Variants in PHF8 observed in about 807,000 individuals in gnomAD.
The protein encoded by PHF8 is PHD finger protein 8.
PHF8 carries 9 observed loss-of-function variants against 74.4 expected under a neutral mutation model. The ratio of observed to expected loss-of-function variants is 0.12; its 90% confidence interval spans 0.07 to 0.21. The LOEUF (loss-of-function observed/expected upper bound fraction) is 0.21, where lower values mean the gene tolerates loss of function less well. Among genes scored for constraint, PHF8 ranks in the 10% least tolerant of loss-of-function variants. The pLI is 1.00. For synonymous variants in PHF8, 311 were observed against 316.6 expected (o/e 0.98, Z 0.19); for missense variants, 478 against 816.6 (o/e 0.59, Z 5.05).
chrX:53,993,503 G>C, intron 13 of PHF8, 98 bp downstream of exon 13: 13 of 709,731 alleles, frequency 1.8e-5, no homozygotes, highest in Non-Finnish European at 2.9e-5. Context: ...GGGGGTCTAA[G>C]GGACATGGCA....
chrX:53,959,756 T>C (rs1314052575), intron 19 of PHF8, among the ~76,000 whole-genome samples: 1 of 105,846 alleles, frequency 9.4e-6, no homozygotes, highest in African/African-American at 3.5e-5. Flanking sequence ...CCCAGCTACT[T>C]TGGAGGCTGA....
Position 53,946,719 on chromosome X carries a change from G to A in PHF8, c.2540-2476C>T, listed in dbSNP as rs904261232. Among the ~76,000 whole-genome samples, 3 of 111,873 alleles carry A rather than the reference G, an allele frequency of 2.7e-5. No homozygotes were observed. In the Admixed American group the frequency reaches 2.9e-4, roughly 11 times the overall value. ...ATCTAATATAAAAACACCTTTTCATGGTTTGACAATTTAGGAAATTTGATT... is the reference window on the plus strand; with the variant it reads ...ATCTAATATAAAAACACCTTTTCATAGTTTGACAATTTAGGAAATTTGATT... On this transcript the variant is annotated intron_variant, in intron 19 of 21. Transcript: ENST00000338154.
At chrX:54,004,483 A>C (rs1308092965) in intron 8 of PHF8, among the ~76,000 whole-genome samples, 1 of 112,224 alleles carries the variant, frequency 8.9e-6, no homozygotes, top group Non-Finnish European at 1.9e-5. Context: ...CAAATATAGA[A>C]TTATGTAACA....
At chrX:53,998,228 T>C (rs2065776806) in intron 11 of PHF8, among the ~76,000 whole-genome samples, 1 of 110,541 alleles carries the variant, frequency 9.0e-6, no homozygotes, top group Non-Finnish European at 1.9e-5. Context: ...CTGAGGTGGA[T>C]GGATCACTTG....
At chrX:54,042,238 T>C (rs2066568847) in intron 2 of PHF8, among the ~76,000 whole-genome samples, 1 of 108,746 alleles carries the variant, frequency 9.2e-6, no homozygotes, top group Non-Finnish European at 1.9e-5. Context: ...GAGGCAGAGG[T>C]TGCTGTGAGC....
chrX:53,967,923 T>C (rs1205780195), intron 18 of PHF8, among the ~76,000 whole-genome samples: 1 of 105,414 alleles, frequency 9.5e-6, no homozygotes, highest in Non-Finnish European at 2.0e-5. Flanking sequence ...GGCAGCATGC[T>C]CGTTAAGAGT....
chrX:53,989,404 C>T lies in PHF8; in HGVS notation c.1731-1460G>A, dbSNP rs979668698. Among the ~76,000 whole-genome samples, 4 of 111,737 alleles carry T rather than the reference C, an allele frequency of 3.6e-5. No homozygotes were observed. In the East Asian group the frequency reaches 8.4e-4, roughly 23 times the overall value. ...TGATTGCTGGTTGAAATGAACATTGCCTTTGTCCAGAACTCAAAAGTGGCT... is the reference window on the plus strand; with the variant it reads ...TGATTGCTGGTTGAAATGAACATTGTCTTTGTCCAGAACTCAAAAGTGGCT... On this transcript the variant is annotated intron_variant, in intron 14 of 21. Transcript: ENST00000338154.
At chrX:53,978,721 C>A (rs1249863165) in intron 18 of PHF8, among the ~76,000 whole-genome samples, 1 of 106,637 alleles carries the variant, frequency 9.4e-6, no homozygotes, top group Non-Finnish European at 1.9e-5. Flanking sequence ...TCACGTGAAT[C>A]CGGAAGGCAG....
At chrX:54,028,147 T>G (rs1359420858) in intron 2 of PHF8, among the ~76,000 whole-genome samples, 1 of 111,196 alleles carries the variant, frequency 9.0e-6, no homozygotes, top group Non-Finnish European at 1.9e-5. Context: ...CATGTGGCTA[T>G]GAAGGAAGAG....
intron 4 of PHF8, among the ~76,000 whole-genome samples, chrX:54,018,888 G>A (rs1305372932): frequency 9.0e-6 from 1 of 111,534 alleles, no homozygotes; most frequent in African/African-American, 3.3e-5. Context: ...CCAAAGTGCT[G>A]GGATTACAGG....
At chrX:53,992,658 T>G in intron 14 of PHF8, 78 bp downstream of exon 14, 1 of 593,120 alleles carries the variant, frequency 1.7e-6, no homozygotes. Flanking sequence ...ACCCCTAGAT[T>G]CCAATTCCAT....
In PHF8 at chrX:53,987,154, C is replaced by T. The variant is rs782604120; in HGVS notation, c.1919G>A (p.Arg640Gln). 4.2e-6 allele frequency: 5 copies of T among 1,180,041 alleles called. No individual in the cohort carries two copies. The highest frequency in any genetic ancestry group is 2.2e-5 in the Admixed American group (1 of 45,828). The change falls in exon 16 of 22, where the codon CGG (arginine) becomes CAG (glutamine). Residue 640 changes from arginine (R) to glutamine (Q), a missense_variant. By Grantham distance (43) the Arg-to-Gln change is conservative. Transcript: ENST00000338154. The stretch of plus-strand genomic sequence containing the variant: ...GCAAGGCTTCGCACGGGGCAATTTC[C>T]GGGGAAATTCTAGAAAACAATGGAA... ...ATLIIRPKFP[R>Q]KLPRAKPCSD...
chrX:54,026,553 T>C (rs956165421), intron 2 of PHF8, among the ~76,000 whole-genome samples: 11 of 95,728 alleles, frequency 1.1e-4, no homozygotes, highest in Admixed American at 5.3e-4. Flanking sequence ...TTGTTGTTGT[T>C]GTTAAGCACT....
intron 12 of PHF8, 75 bp downstream of exon 12, chrX:53,995,618 T>A: frequency 1.6e-6 from 1 of 629,268 alleles, no homozygotes; most frequent in Non-Finnish European, 2.7e-6. Flanking sequence ...TCATGCTAAC[T>A]GCAGAGGCCT....
At chrX:53,940,101 T>C (rs2064726624) in intron 21 of PHF8, 79 bp downstream of exon 21, 5 of 792,955 alleles carry the variant, frequency 6.3e-6, no homozygotes, top group Middle Eastern at 4.1e-4. Flanking sequence ...TCCCTGGTAT[T>C]GTCATCTACT....
intron 19 of PHF8, among the ~76,000 whole-genome samples, chrX:53,959,518 CAGA>C (rs2065067567): frequency 1.8e-5 from 2 of 110,850 alleles, no homozygotes; most frequent in South Asian, 7.7e-4. Flanking sequence ...AAATGGTTCA[CAGA>C]AGGTTACAAA....
chrX:54,008,943 G>A (rs1312598385), intron 8 of PHF8, among the ~76,000 whole-genome samples: 1 of 111,191 alleles, frequency 9.0e-6, no homozygotes, highest in Non-Finnish European at 1.9e-5. Context: ...TTGGGAGGCT[G>A]AGACGGGTGG....
intron 2 of PHF8, among the ~76,000 whole-genome samples, chrX:54,027,594 T>C (rs952436323): frequency 3.6e-5 from 4 of 111,541 alleles, no homozygotes; most frequent in Non-Finnish European, 7.5e-5. Context: ...TGTTGATATA[T>C]GCAATAAGTA....
upstream of PHF8, chrX:54,045,029 G>A (rs2066621377): frequency 8.7e-6 from 5 of 575,804 alleles, no homozygotes; most frequent in East Asian, 3.6e-5. Context: ...CCGGAGCAGG[G>A]ACGTTGAACC....
Sources: gnomAD v4.1 joint callset for allele counts (sites outside exome capture counted in the v4.1 genomes callset) on GRCh38, gnomAD v4.1.1 for gene constraint, MANE v1.5 for transcripts, NCBI Gene and HGNC (gene_info 2026-07-23, HGNC 2026-07-21) for gene names.